NTN1: variants seen among roughly 807,000 people sequenced by gnomAD.
NTN1 encodes the protein netrin-1.
A neutral mutation model predicts 54.2 loss-of-function variants in NTN1; 11 were observed. The observed-to-expected ratio is 0.20, with a 90% CI of 0.13 to 0.34. The LOEUF (loss-of-function observed/expected upper bound fraction) is 0.34. NTN1 is among the 10% of genes least tolerant of loss of function. The pLI is 1.00. For synonymous variants in NTN1, 371 were observed against 382.0 expected, an observed-to-expected ratio of 0.97 and a Z score of 0.33; for missense variants, 740 against 893.1, an observed-to-expected ratio of 0.83 and a Z score of 2.18.
At chr17:9,215,434 A>C (rs1323262138) in intron 5 of NTN1, among the ~76,000 whole-genome samples, 1 of 152,230 alleles carries the variant, frequency 6.6e-6, no homozygotes, top group Non-Finnish European at 1.5e-5. Flanking sequence ...ACCAGTAAGC[A>C]CAGAGATATC....
chr17:9,033,106 A>G (rs1379758277), intron 2 of NTN1, among the ~76,000 whole-genome samples: 1 of 151,944 alleles, frequency 6.6e-6, no homozygotes, highest in Non-Finnish European at 1.5e-5. Flanking sequence ...GGCACCCACC[A>G]TCACGCCCAG....
At chr17:9,092,821 C>T (rs1380772678) in intron 2 of NTN1, among the ~76,000 whole-genome samples, 1 of 151,936 alleles carries the variant, frequency 6.6e-6, no homozygotes, top group Non-Finnish European at 1.5e-5. Context: ...TGCAATGGTG[C>T]AATCTCAGCT....
chr17:9,156,060 G>A (rs2092341055), intron 2 of NTN1, among the ~76,000 whole-genome samples: 2 of 152,112 alleles, frequency 1.3e-5, no homozygotes, highest in Non-Finnish European at 2.9e-5. Flanking sequence ...AGGAGCTGGT[G>A]AGGGAAGAAG....
intron 2 of NTN1, among the ~76,000 whole-genome samples, chr17:9,137,181 T>A (rs1438977564): frequency 6.6e-6 from 1 of 152,174 alleles, no homozygotes; most frequent in African/African-American, 2.4e-5. Flanking sequence ...TTTCATCCTA[T>A]GTTGTCAGTG....
chr17:9,215,452 T>A (rs902663178), intron 5 of NTN1, among the ~76,000 whole-genome samples: 2 of 152,224 alleles, frequency 1.3e-5, no homozygotes, highest in African/African-American at 4.8e-5. Flanking sequence ...ATCAATCACA[T>A]CACCTTGTGT....
At chr17:9,066,998 CAA>C (rs71361855) in intron 2 of NTN1, among the ~76,000 whole-genome samples, 20 of 89,314 alleles carry the variant, frequency 2.2e-4, no homozygotes, top group Admixed American at 8.2e-4. Flanking sequence ...GACTCCATCT[CAA>C]AAAAAAAAAA....
Position 9,207,464 on chromosome 17 carries a change from A to G in NTN1, c.1412-13704A>G, listed in dbSNP as rs555976727. 5.3e-5 allele frequency among the ~76,000 whole-genome samples: 8 copies of G among 152,358 alleles called. No homozygotes were observed. In the South Asian group the frequency reaches 1.7e-3, roughly 32 times the overall value. On this transcript the variant is annotated intron_variant, in intron 5 of 6. Coordinates refer to ENST00000173229, the MANE Select transcript of NTN1 (RefSeq NM_004822.3). ...TCATGTCGGGCTTCATCTCGCTGGA[A>G]CTTTAAAAGATTGTTACAAACGCTC...
At chr17:9,183,547 A>G (rs1388614594) in intron 5 of NTN1, 10 of 340,052 alleles carry the variant, frequency 2.9e-5, no homozygotes, top group East Asian at 2.8e-4. Context: ...ATCACATTCT[A>G]GCTGGTGCAG....
chr17:9,132,098 A>C (rs929147034), intron 2 of NTN1, among the ~76,000 whole-genome samples: 3 of 151,542 alleles, frequency 2.0e-5, no homozygotes, highest in African/African-American at 4.9e-5. Context: ...CGCAGGAGTT[A>C]GACCATGTCA....
At chr17:9,222,433 G>A (rs1905390555) in intron 6 of NTN1, among the ~76,000 whole-genome samples, 1 of 152,190 alleles carries the variant, frequency 6.6e-6, no homozygotes, top group Admixed American at 6.5e-5. Flanking sequence ...AGGGGATCTG[G>A]GATGAGTCCC....
At chr17:9,107,432 G>A (rs2092171198) in intron 2 of NTN1, among the ~76,000 whole-genome samples, 2 of 152,320 alleles carry the variant, frequency 1.3e-5, no homozygotes, top group South Asian at 4.1e-4. Flanking sequence ...TTACTCCCCG[G>A]TTATGACTGT....
intron 3 of NTN1, chr17:9,177,412 G>A (rs763869435): frequency 5.3e-5 from 8 of 152,260 alleles, no homozygotes; most frequent in Non-Finnish European, 1.0e-4. Context: ...CAATGAGGGT[G>A]TCCACGTGTG....
intron 2 of NTN1, among the ~76,000 whole-genome samples, chr17:9,127,077 G>GGA (rs535250630): frequency 1.4e-5 from 2 of 145,776 alleles, no homozygotes; most frequent in East Asian, 2.3e-4. Context: ...GGGCCGGGGG[G>GGA]GGGCAGGACA....
At chr17:9,037,318 A>T (rs922929713) in intron 2 of NTN1, among the ~76,000 whole-genome samples, 1 of 152,166 alleles carries the variant, frequency 6.6e-6, no homozygotes, top group South Asian at 2.1e-4. Context: ...GATGATCTCA[A>T]CTTCTTGGGG....
chr17:9,030,029 C>A (rs143479953), intron 2 of NTN1, among the ~76,000 whole-genome samples: 8 of 151,902 alleles, frequency 5.3e-5, no homozygotes, highest in Non-Finnish European at 2.9e-5. Context: ...ATGTGAATTT[C>A]CCCCCACATC....
At position 9,243,868 on chromosome 17, in the gene NTN1, TTC is replaced by T. The variant is rs1906317427; in HGVS notation, c.*3902_*3903del. 1 of 142,272 alleles carries T rather than the reference TTC, an allele frequency of 7.0e-6. No individual in the cohort carries two copies. The highest frequency in any genetic ancestry group is 1.5e-5 in the Non-Finnish European group (1 of 64,916). The allele number at this position is 142,272 out of a possible 1,614,324, so 8.8% of individuals were successfully genotyped here. On this transcript the variant is annotated 3_prime_UTR_variant, in exon 7 of 7. Coordinates refer to ENST00000173229, the MANE Select transcript of NTN1 (RefSeq NM_004822.3). ...AATGACATGGAAAAAGTTGTGGATT[TTC>T]TTTCTTTCCTTTTTTTTGGGGGGGG...
intron 2 of NTN1, among the ~76,000 whole-genome samples, chr17:9,104,482 T>G (rs985266511): frequency 5.3e-5 from 8 of 152,144 alleles, no homozygotes; most frequent in African/African-American, 1.9e-4. Flanking sequence ...AAGCTTCCTG[T>G]GCTTCGGGGC....
At chr17:9,041,823 A>T (rs2091922510) in intron 2 of NTN1, among the ~76,000 whole-genome samples, 1 of 152,108 alleles carries the variant, frequency 6.6e-6, no homozygotes, top group South Asian at 2.1e-4. Context: ...AGCCTGGCCA[A>T]CGTGGTGAAA....
chr17:9,201,334 T>C (rs1026833188), intron 5 of NTN1, among the ~76,000 whole-genome samples: 1 of 152,194 alleles, frequency 6.6e-6, no homozygotes, highest in Non-Finnish European at 1.5e-5. Flanking sequence ...GTAAGAGTTC[T>C]GAACTTACTG....
Sources: gnomAD v4.1 joint callset for allele counts (sites outside exome capture counted in the v4.1 genomes callset) on GRCh38, gnomAD v4.1.1 for gene constraint, MANE v1.5 for transcripts, NCBI Gene and HGNC (gene_info 2026-07-23, HGNC 2026-07-21) for gene names.